CCDC7: variants seen among roughly 807,000 people sequenced by gnomAD.
The protein encoded by CCDC7 is coiled-coil domain containing 7.
In CCDC7, 183 loss-of-function variants were observed where a neutral mutation model predicts 196.9. The observed-to-expected ratio is 0.93, with a 90% CI of 0.82 to 1.05. The LOEUF is 1.05. Among genes scored for constraint, CCDC7 ranks in the 50% least tolerant of loss-of-function variants. The pLI, the probability that CCDC7 is intolerant of heterozygous loss-of-function variation, is 0.00. For missense variants in CCDC7, 1,540 were observed against 1,482.2 expected, an observed-to-expected ratio of 1.04 and a Z score of -0.64; for synonymous variants, 525 against 484.6, an observed-to-expected ratio of 1.08 and a Z score of -1.10.
chr10:32,726,653 T>G, intron 25 of CCDC7, 81 bp from the exon 27 acceptor site: 1 of 758,406 alleles, frequency 1.3e-6, no homozygotes, highest in Non-Finnish European at 2.1e-6. Flanking sequence ...TGTTATAAAC[T>G]TCAAATATAG....
chr10:32,805,042 C>A, exon 30 of CCDC7: 1 of 1,612,050 alleles, frequency 6.2e-7, no homozygotes, highest in African/African-American at 1.3e-5. Flanking sequence ...TTGAGAGGTG[C>A]TTTGGGAAGA....
chr10:32,593,988 C>G (rs1254301513), intron 18 of CCDC7, among the ~76,000 whole-genome samples: 2 of 152,130 alleles, frequency 1.3e-5, no homozygotes, highest in African/African-American at 4.8e-5. Context: ...AGCATGATGC[C>G]TCCAGCTTTG....
At chr10:32,565,205 T>C (rs746765483) in intron 13 of CCDC7, among the ~76,000 whole-genome samples, 2 of 152,186 alleles carry the variant, frequency 1.3e-5, no homozygotes, top group Non-Finnish European at 2.9e-5. Flanking sequence ...ATTTACTCAT[T>C]TGCACAAAGC....
chr10:32,719,166 C>A (rs1225847417), intron 25 of CCDC7, among the ~76,000 whole-genome samples: 2 of 152,056 alleles, frequency 1.3e-5, no homozygotes, highest in African/African-American at 4.8e-5. Context: ...GGTACTGGTA[C>A]CAAAACAGAT....
intron 20 of CCDC7, among the ~76,000 whole-genome samples, chr10:32,637,797 T>G (rs1037392908): frequency 1.3e-5 from 2 of 152,238 alleles, no homozygotes; most frequent in African/African-American, 2.4e-5. Context: ...GGGGATGGCC[T>G]TGAATCTATA....
chr10:32,740,098 C>T (rs946446997), intron 28 of CCDC7, among the ~76,000 whole-genome samples: 3 of 152,004 alleles, frequency 2.0e-5, no homozygotes, highest in African/African-American at 7.3e-5. Flanking sequence ...CATCCCAGGC[C>T]CTTAGGTGAA....
chr10:32,857,192 C>T (rs1291820518), intron 41 of CCDC7, among the ~76,000 whole-genome samples: 1 of 152,154 alleles, frequency 6.6e-6, no homozygotes, highest in Non-Finnish European at 1.5e-5. Context: ...GCACTTTGCC[C>T]AACTAATACC....
intron 28 of CCDC7, among the ~76,000 whole-genome samples, chr10:32,750,204 A>C (rs567202818): frequency 6.6e-6 from 1 of 152,018 alleles, no homozygotes; most frequent in African/African-American, 2.4e-5. Context: ...ATGTAACCAT[A>C]TTTTGTTTAT....
chr10:32,583,274 C>T (rs1322531853), exon 17 of CCDC7: 2 of 1,231,204 alleles, frequency 1.6e-6, no homozygotes, highest in African/African-American at 1.6e-5. Flanking sequence ...TATCACCATT[C>T]ATTTTACCTC....
rs757431142 is a variant in CCDC7, at chr10:32,472,515, T to G, written c.712T>G (p.Cys238Gly). 22 of 1,588,924 alleles carry G rather than the reference T, an allele frequency of 1.4e-5. 2 individuals are homozygous for G. In the South Asian group the frequency reaches 2.5e-4, roughly 18 times the overall value. The stretch of plus-strand genomic sequence containing the variant: ...AAATCGACCAGAAGCAGTGAAAAGT[T>G]GTGAAGCTCTGGCACAGAAAATTGA... The change falls in exon 7 of 42, where the codon TGT (cysteine) becomes GGT (glycine). Residue 238 changes from cysteine (C) to glycine (G), a missense_variant. Transcript: ENST00000639629.
chr10:32,538,456 C>T (rs1177841441), intron 11 of CCDC7, among the ~76,000 whole-genome samples: 1 of 152,184 alleles, frequency 6.6e-6, no homozygotes, highest in East Asian at 1.9e-4. Flanking sequence ...TCCTCTCTTC[C>T]TATCTGGATG....
At chr10:32,689,091 C>T in exon 23 of CCDC7, 2 of 1,607,740 alleles carry the variant, frequency 1.2e-6, no homozygotes, top group Non-Finnish European at 1.7e-6. Flanking sequence ...TATACTTAGG[C>T]ATCAAGACTC....
At chr10:32,576,547 CTTTTTTTTTTT>C (rs1292038601) in intron 16 of CCDC7, among the ~76,000 whole-genome samples, 1 of 116,874 alleles carries the variant, frequency 8.6e-6, no homozygotes, top group Admixed American at 8.8e-5. Flanking sequence ...GCCTGTGTGT[CTTTTTTTTTTT>C]TTTTTTTTTT....
chr10:32,652,899 A>C (rs1290197676), intron 20 of CCDC7, among the ~76,000 whole-genome samples: 2 of 152,200 alleles, frequency 1.3e-5, no homozygotes. Flanking sequence ...GATTTTTATA[A>C]AAAATTTCTG....
chr10:32,727,079 G>T (rs772983226), intron 26 of CCDC7, among the ~76,000 whole-genome samples: 3 of 152,038 alleles, frequency 2.0e-5, no homozygotes, highest in African/African-American at 7.2e-5. Context: ...CCAATAATTC[G>T]CCTACAGTAT....
At chr10:32,625,938 T>C (rs2063982086) in intron 18 of CCDC7, among the ~76,000 whole-genome samples, 1 of 152,148 alleles carries the variant, frequency 6.6e-6, no homozygotes, top group South Asian at 2.1e-4. Flanking sequence ...CTACTCTCTC[T>C]ATGTACTACA....
intron 32 of CCDC7, among the ~76,000 whole-genome samples, chr10:32,830,815 T>A (rs1300036324): frequency 6.6e-6 from 1 of 152,008 alleles, no homozygotes; most frequent in Admixed American, 6.6e-5. Flanking sequence ...TGGCTGAAAT[T>A]TTGAAAAATG....
chr10:32,677,284 GCAGCACAC>G (rs1396250855), intron 21 of CCDC7, among the ~76,000 whole-genome samples: 2 of 151,288 alleles, frequency 1.3e-5, no homozygotes, highest in Non-Finnish European at 2.9e-5. Context: ...GTTAATGGGT[GCAGCACAC>G]CAGCATGGCA....
chr10:32,871,021 A>G (rs1237992601), intron 41 of CCDC7, among the ~76,000 whole-genome samples: 4 of 152,162 alleles, frequency 2.6e-5, no homozygotes, highest in African/African-American at 9.7e-5. Flanking sequence ...GGATTTTTGC[A>G]TGAATGTTCA....
Sources: allele counts gnomAD v4.1 joint callset (sites outside exome capture counted in the v4.1 genomes callset), GRCh38; gene constraint gnomAD v4.1.1; transcripts MANE v1.5; gene names NCBI Gene and HGNC (gene_info 2026-07-23, HGNC 2026-07-21).